The following NDUFC1 variants were observed in gnomAD, a reference collection of about 807,000 sequenced individuals.
NDUFC1 encodes NADH dehydrogenase [ubiquinone] 1 subunit C1, mitochondrial.
A neutral mutation model predicts 11.6 loss-of-function variants in NDUFC1; 11 were observed. The ratio of observed to expected loss-of-function variants is 0.95; its 90% CI spans 0.60 to 1.58. The LOEUF is 1.58. NDUFC1 is among the 40% of genes most tolerant of loss of function. The probability of loss-of-function intolerance (pLI) is 0.00; values close to 1 mark genes in which losing one functional copy is unlikely to be tolerated. For missense variants in NDUFC1, 112 were observed against 93.0 expected (o/e 1.20, Z -0.84); for synonymous variants, 52 against 42.2 (o/e 1.23, Z -0.90).
At chr4:139,301,235 G>T (rs1745710417) in intron 1 of NDUFC1, 1 of 300,546 alleles carries the variant, frequency 3.3e-6, no homozygotes, top group Non-Finnish European at 6.1e-6. Context: ...GGTCGATCTA[G>T]CAGGAAGGCG....
rs1390769891 is a variant in NDUFC1, at chr4:139,295,744, G to A, written c.55C>T (p.Leu19Phe). 6.5e-7 allele frequency: 1 copy of A among 1,547,928 alleles called. No homozygotes were observed. Among genetic ancestry groups the A allele is most frequent in the South Asian group, 1.2e-5 (1 of 84,152 alleles). The stretch of plus-strand genomic sequence containing the variant: ...GGAGGATACTCACGGCCGCTCGGGA[G>A]CCTGGCGGGGGCCAGCAGCCGGGAA... ...PLSRLLAPAR[L>F]PSGPSVRSKF... The change falls in exon 3 of 6, where the codon CTC becomes TTC. Residue 19 changes from leucine (L) to phenylalanine (F), a missense_variant. By Grantham distance (22) the Leu-to-Phe change is conservative. Transcript: ENST00000394223.
At chr4:139,294,346 T>C (rs1745363657) in intron 4 of NDUFC1, among the ~76,000 whole-genome samples, 1 of 152,208 alleles carries the variant, frequency 6.6e-6, no homozygotes. Flanking sequence ...GGGATTCAAT[T>C]TGTACAACTT....
intron 3 of NDUFC1, among the ~76,000 whole-genome samples, chr4:139,295,399 CGGGAGT>C (rs1560940794): frequency 6.6e-6 from 1 of 152,112 alleles, no homozygotes; most frequent in Non-Finnish European, 1.5e-5. Context: ...TCAGACGACT[CGGGAGT>C]GGTCATGTAA....
intron 1 of NDUFC1, chr4:139,301,654 C>A (rs1745748367): frequency 1.7e-6 from 2 of 1,145,252 alleles, no homozygotes; most frequent in South Asian, 2.9e-5. Context: ...ACACCCGAGG[C>A]CTGGTGGTGG....
chr4:139,301,850 G>C, intron 1 of NDUFC1: 2 of 1,581,154 alleles, frequency 1.3e-6, no homozygotes, highest in Non-Finnish European at 1.7e-6. Context: ...GAGGCTCCGG[G>C]CAAGCGGTGG....
At chr4:139,302,080 T>C (rs1745793110) in intron 1 of NDUFC1, 1 of 401,538 alleles carries the variant, frequency 2.5e-6, no homozygotes, top group Admixed American at 4.4e-5. Context: ...GGCCCCGACC[T>C]CCCGGCTTCT....
At chr4:139,293,332 T>TTAATTAGATGTATTAATTAG (rs1368097290) in intron 4 of NDUFC1, among the ~76,000 whole-genome samples, 10 of 152,156 alleles carry the variant, frequency 6.6e-5, no homozygotes, top group Non-Finnish European at 1.3e-4. Flanking sequence ...CGAAACTGTA[T>TTAATTAGATGTATTAATTAG]GTGTATTAAT....
chr4:139,292,542 T>C lies in NDUFC1; in HGVS notation c.*8A>G, dbSNP rs779713813. 8.6e-6 allele frequency: 13 copies of C among 1,514,888 alleles called. No individual in the cohort carries two copies. The Admixed American group carries it at 1.6e-4, about 18-fold the overall frequency. The allele number at this position is 1,514,888 out of a possible 1,614,324, so 93.8% of individuals were successfully genotyped here. A position where few individuals can be genotyped will look rare whatever the true frequency, so the allele number is the denominator to read the frequency against. ...CTTGTATACTTACTACATTAGTGTT[T>C]CAAAAGTTTATTCCAGCCCATTTCT... On this transcript the variant is annotated 3_prime_UTR_variant, in exon 5 of 6. Coordinates refer to ENST00000394223, the MANE Select transcript of NDUFC1 (RefSeq NM_001184989.2).
chr4:139,291,258 T>C (rs1368971845), intron 5 of NDUFC1, among the ~76,000 whole-genome samples: 1 of 151,764 alleles, frequency 6.6e-6, no homozygotes, highest in South Asian at 2.1e-4. Flanking sequence ...CATAATGAAA[T>C]AGTCATGCAG....
intron 5 of NDUFC1, among the ~76,000 whole-genome samples, chr4:139,291,126 T>A (rs1425615484): frequency 6.8e-6 from 1 of 147,700 alleles, no homozygotes; most frequent in African/African-American, 2.5e-5. Flanking sequence ...GTATATATTT[T>A]ATATATATAT....
At chr4:139,291,821 AAT>A (rs1745230732) in intron 5 of NDUFC1, among the ~76,000 whole-genome samples, 1 of 152,098 alleles carries the variant, frequency 6.6e-6, no homozygotes, top group African/African-American at 2.4e-5. Flanking sequence ...TTAAGAAAAT[AAT>A]ATGATTTTGG....
chr4:139,291,452 G>C (rs1268498669), intron 5 of NDUFC1, among the ~76,000 whole-genome samples: 1 of 152,036 alleles, frequency 6.6e-6, no homozygotes, highest in Non-Finnish European at 1.5e-5. Flanking sequence ...GCGCGCACCT[G>C]TAGTCCCAGC....
intron 1 of NDUFC1, chr4:139,300,571 T>G (rs1745667396): frequency 1.3e-5 from 2 of 152,178 alleles, no homozygotes; most frequent in Admixed American, 1.3e-4. Flanking sequence ...TTGAAAAAGT[T>G]TTACGGTCAG....
In NDUFC1 at chr4:139,290,084, G is replaced by A. The variant is rs1447953740; in HGVS notation, c.*29C>T. ...AGAGGAACAGCTACAATCACTATACGGAGCATACCTATAATGAAGAAAAAA... is the reference window on the plus strand; with the variant it reads ...AGAGGAACAGCTACAATCACTATACAGAGCATACCTATAATGAAGAAAAAA... On this transcript the variant is annotated 3_prime_UTR_variant, in exon 6 of 6. Transcript: ENST00000394223. 2.0e-5 allele frequency: 3 copies of A among 150,886 alleles called. No homozygotes were observed. Among genetic ancestry groups the A allele is most frequent in the Non-Finnish European group, 4.4e-5 (3 of 67,854 alleles). 9.3% of individuals were successfully genotyped at this position (150,886 alleles called of 1,614,324 possible).
intron 1 of NDUFC1, among the ~76,000 whole-genome samples, chr4:139,297,814 A>C (rs1290729622): frequency 6.6e-6 from 1 of 152,246 alleles, no homozygotes; most frequent in African/African-American, 2.4e-5. Flanking sequence ...CTCTAATCCT[A>C]GCACTTTGTG....
rs761633731 is a variant in NDUFC1, at chr4:139,292,606, T to C, written c.175A>G (p.Ile59Val). Residue 59 changes from isoleucine (I) to valine (V), a missense_variant, in exon 5 of 6, where the codon ATC becomes GTC. Ile to Val is a conservative substitution (Grantham distance 29). Coordinates refer to ENST00000394223, the MANE Select transcript of NDUFC1 (RefSeq NM_001184989.2). ...AAAATATCTTCATTGTGTTGTTTGA[T>C]GAGCTACAAAGAGTTAAACAGTTAA... is the stretch of plus-strand genomic sequence containing the variant. ...GTTVFLWIYL[I>V]KQHNEDILEY... The C allele has an allele frequency of 4.8e-5, 74 of 1,557,642 alleles. No homozygotes were observed. The highest frequency in any genetic ancestry group is 6.3e-5 in the Non-Finnish European group (72 of 1,138,510).
chr4:139,295,206 A>G (rs1006586784), intron 3 of NDUFC1, 60 bp from the exon 4 acceptor site: 31 of 1,284,462 alleles, frequency 2.4e-5, no homozygotes, highest in Admixed American at 1.4e-4. Flanking sequence ...AAAAAACCCT[A>G]ACATTTACGT....
chr4:139,290,656 G>A (rs190280262), intron 5 of NDUFC1, among the ~76,000 whole-genome samples: 8 of 151,840 alleles, frequency 5.3e-5, no homozygotes, highest in African/African-American at 1.9e-4. Flanking sequence ...ATTTTTAAGT[G>A]ACTGTTCACT....
chr4:139,291,127 A>T (rs1053525562), intron 5 of NDUFC1, among the ~76,000 whole-genome samples: 13 of 148,608 alleles, frequency 8.7e-5, no homozygotes, highest in Admixed American at 6.8e-4. Flanking sequence ...TATATATTTT[A>T]TATATATATA....
Sources: gnomAD v4.1 joint callset for allele counts (sites outside exome capture counted in the v4.1 genomes callset) on GRCh38, gnomAD v4.1.1 for gene constraint, MANE v1.5 for transcripts, NCBI Gene and HGNC (gene_info 2026-07-23, HGNC 2026-07-21) for gene names.